ADGRL3: variants seen among roughly 807,000 people sequenced by gnomAD.
ADGRL3 encodes adhesion G protein-coupled receptor L3, also known as calcium-independent alpha-latrotoxin receptor 3.
In ADGRL3, 62 loss-of-function variants were observed where a neutral mutation model predicts 153.5. The observed-to-expected ratio is 0.40, with a 90% CI of 0.33 to 0.50. The LOEUF is 0.50. Among genes scored for constraint, ADGRL3 ranks in the 20% least tolerant of loss-of-function variants. The pLI is 0.47. For missense variants in ADGRL3, 1,641 were observed against 1,859.4 expected (o/e 0.88, Z 2.16); for synonymous variants, 710 against 672.5 (o/e 1.06, Z -0.86).
At chr4:61,305,646 A>C (rs1216365990) in intron 1 of ADGRL3, among the ~76,000 whole-genome samples, 1 of 152,100 alleles carries the variant, frequency 6.6e-6, no homozygotes, top group Non-Finnish European at 1.5e-5. Flanking sequence ...TCGGTCCCCC[A>C]AAAGATAGGG....
chr4:61,826,401 A>G (rs563060587), intron 9 of ADGRL3, among the ~76,000 whole-genome samples: 1 of 152,318 alleles, frequency 6.6e-6, no homozygotes, highest in African/African-American at 2.4e-5. Context: ...GCAGTTTACA[A>G]ATCTGTCAAG....
At chr4:61,889,143 A>G (rs115584501) in intron 9 of ADGRL3, among the ~76,000 whole-genome samples, 2,260 of 152,324 alleles carry the variant, frequency 0.015, 59 homozygotes, top group African/African-American at 0.048. Context: ...GCACAATACT[A>G]AAAGCTAAGG....
intron 1 of ADGRL3, among the ~76,000 whole-genome samples, chr4:61,309,456 G>A (rs1251352581): frequency 6.6e-6 from 1 of 151,978 alleles, no homozygotes; most frequent in Non-Finnish European, 1.5e-5. Context: ...AGACAATTAC[G>A]TCCACCATAA....
intron 5 of ADGRL3, among the ~76,000 whole-genome samples, chr4:61,631,958 C>A (rs1446160929): frequency 6.6e-6 from 1 of 151,916 alleles, no homozygotes; most frequent in Non-Finnish European, 1.5e-5. Flanking sequence ...AACAATCTAA[C>A]TAGTAGTGTT....
At chr4:61,323,270 A>G (rs950142169) in intron 1 of ADGRL3, among the ~76,000 whole-genome samples, 3 of 152,060 alleles carry the variant, frequency 2.0e-5, no homozygotes, top group African/African-American at 7.2e-5. Context: ...CTGTGATGGG[A>G]GGGGCTGCTG....
intron 4 of ADGRL3, among the ~76,000 whole-genome samples, chr4:61,573,549 T>C (rs2098847648): frequency 6.6e-6 from 1 of 151,952 alleles, no homozygotes; most frequent in Non-Finnish European, 1.5e-5. Flanking sequence ...GTTCCTAATG[T>C]GATGTAACAG....
intron 6 of ADGRL3, among the ~76,000 whole-genome samples, chr4:61,697,553 C>A (rs2095664638): frequency 4.6e-5 from 1 of 21,712 alleles, no homozygotes; most frequent in South Asian, 4.0e-3. Flanking sequence ...AAGTGAAACT[C>A]CTAAAAAAAA....
intron 4 of ADGRL3, among the ~76,000 whole-genome samples, chr4:61,580,071 A>G (rs1478224960): frequency 3.9e-4 from 60 of 152,216 alleles, no homozygotes; most frequent in East Asian, 1.4e-3. Context: ...TGAAACTTAA[A>G]ATTGATAATA....
intron 10 of ADGRL3, 25 bp downstream of exon 10, chr4:61,892,983 T>G: frequency 7.0e-7 from 1 of 1,428,576 alleles, no homozygotes; most frequent in Non-Finnish European, 9.2e-7. Context: ...AAGCACTAAG[T>G]TAAAACTGTT....
chr4:61,680,585 A>G (rs554488476), intron 6 of ADGRL3, among the ~76,000 whole-genome samples: 2 of 152,132 alleles, frequency 1.3e-5, no homozygotes, highest in East Asian at 3.9e-4. Flanking sequence ...ATTGTATCAC[A>G]TAAGTGAAGT....
intron 17 of ADGRL3, among the ~76,000 whole-genome samples, chr4:61,965,141 G>A (rs1169228058): frequency 6.6e-6 from 1 of 151,956 alleles, no homozygotes; most frequent in Non-Finnish European, 1.5e-5. Context: ...GGGACTATAA[G>A]CACCCACCAC....
chr4:61,494,141 AT>A (rs2098287008), intron 2 of ADGRL3, among the ~76,000 whole-genome samples: 1 of 148,288 alleles, frequency 6.7e-6, no homozygotes, highest in Non-Finnish European at 1.5e-5. Context: ...GCTAATTTGC[AT>A]TTTCTATAAA....
At chr4:61,908,399 C>T (rs1234406089) in intron 11 of ADGRL3, among the ~76,000 whole-genome samples, 1 of 152,034 alleles carries the variant, frequency 6.6e-6, no homozygotes, top group Admixed American at 6.6e-5. Context: ...GAGTTCAAGA[C>T]CAGGCTGGGC....
intron 10 of ADGRL3, among the ~76,000 whole-genome samples, chr4:61,894,102 T>C (rs1050359557): frequency 1.3e-5 from 2 of 152,198 alleles, no homozygotes; most frequent in Admixed American, 1.3e-4. Flanking sequence ...GGTATTCTGA[T>C]TTTCTTATTG....
rs2098712940 is a variant in ADGRL3, at chr4:61,909,733, G to T, written c.2061G>T (p.Arg687=). Residue 687 remains arginine, a synonymous_variant, in exon 12 of 27, where the codon CGG becomes CGT. Transcript: ENST00000683033. Reference sequence around the variant, plus strand: ...CAGGTGGAAAAGATAGTGCTGCCCGGAGTTTGAACAAGGTAAGGACCCTAA... The same window carrying T: ...CAGGTGGAAAAGATAGTGCTGCCCGTAGTTTGAACAAGGTAAGGACCCTAA... ...LTPGGKDSAA[R]SLNKLQKRER... is the part of the protein sequence containing the mutation. 1 of 1,556,172 alleles carries T rather than the reference G, an allele frequency of 6.4e-7. No individual in the cohort carries two copies. The highest frequency in any genetic ancestry group is 2.0e-5 in the Admixed American group (1 of 51,116).
intron 8 of ADGRL3, among the ~76,000 whole-genome samples, chr4:61,738,786 T>C (rs1485353874): frequency 3.3e-5 from 5 of 152,216 alleles, no homozygotes; most frequent in Admixed American, 3.3e-4. Context: ...TGGTACAATC[T>C]GTGAAACACT....
intron 8 of ADGRL3, among the ~76,000 whole-genome samples, chr4:61,769,142 A>G (rs914905185): frequency 8.6e-4 from 131 of 152,160 alleles, no homozygotes; most frequent in African/African-American, 3.0e-3. Flanking sequence ...ACACCCTTGA[A>G]ACGTGAGTGT....
intron 2 of ADGRL3, among the ~76,000 whole-genome samples, chr4:61,448,934 TATTA>T (rs1363708162): frequency 2.1e-5 from 3 of 145,328 alleles, no homozygotes; most frequent in Non-Finnish European, 3.1e-5. Flanking sequence ...CAAATACAGT[TATTA>T]ATTAGGAGAT....
intron 21 of ADGRL3, among the ~76,000 whole-genome samples, chr4:62,022,047 G>A (rs2099240716): frequency 1.3e-5 from 2 of 152,212 alleles, no homozygotes; most frequent in Admixed American, 6.5e-5. Context: ...GAGATAGGCT[G>A]AAAGCCAATC....
Sources: gnomAD v4.1 joint callset for allele counts (sites outside exome capture counted in the v4.1 genomes callset) on GRCh38, gnomAD v4.1.1 for gene constraint, MANE v1.5 for transcripts, NCBI Gene and HGNC (gene_info 2026-07-23, HGNC 2026-07-21) for gene names.